TPRG1: variants seen among roughly 807,000 people sequenced by gnomAD.
TPRG1 encodes the protein tumor protein p63 regulated 1.
TPRG1 carries 29 observed loss-of-function variants against 29.3 expected under a neutral mutation model. The observed-to-expected ratio is 0.99, with a 90% confidence interval of 0.74 to 1.35. The LOEUF is 1.35. Ranked by LOEUF, TPRG1 falls within the 40% of genes most tolerant of loss-of-function variation. TPRG1 has a pLI of 0.00. For missense variants in TPRG1, 327 were observed against 335.0 expected (o/e 0.98, Z 0.19); for synonymous variants, 130 against 116.8 (o/e 1.11, Z -0.73).
chr3:189,285,744 G>A (rs548396406), intron 4 of TPRG1, among the ~76,000 whole-genome samples: 3 of 152,224 alleles, frequency 2.0e-5, no homozygotes, highest in South Asian at 4.2e-4. Context: ...TCACTTGCTC[G>A]AGGTCCTACA....
intron 4 of TPRG1, among the ~76,000 whole-genome samples, chr3:189,059,326 C>T (rs1715936281): frequency 6.6e-6 from 1 of 152,194 alleles, no homozygotes; most frequent in Non-Finnish European, 1.5e-5. Context: ...GGTGCAGTGG[C>T]TCATGCCTGT....
At chr3:189,312,115 T>TTCTTTCTTTCTCTCTCTCTCTCTCTCTC (rs1560688940) in intron 5 of TPRG1, among the ~76,000 whole-genome samples, 1 of 69,008 alleles carries the variant, frequency 1.4e-5, no homozygotes, top group African/African-American at 7.0e-5. Flanking sequence ...GTTTCTTTCT[T>TTCTTTCTTTCTCTCTCTCTCTCTCTCTC]TGTTTCTTTC....
At chr3:189,295,847 T>G (rs139935920) in intron 4 of TPRG1, among the ~76,000 whole-genome samples, 1 of 152,234 alleles carries the variant, frequency 6.6e-6, no homozygotes, top group East Asian at 1.9e-4. Context: ...AGTGAAACGT[T>G]TTGCCACATC....
At chr3:189,301,567 T>C (rs1720844414) in intron 4 of TPRG1, among the ~76,000 whole-genome samples, 1 of 149,698 alleles carries the variant, frequency 6.7e-6, no homozygotes, top group Non-Finnish European at 1.5e-5. Flanking sequence ...AATGTTTTCC[T>C]CCATTTTTTT....
intron 1 of TPRG1, among the ~76,000 whole-genome samples, chr3:189,200,921 A>C (rs1733376354): frequency 6.6e-6 from 1 of 152,204 alleles, no homozygotes; most frequent in Non-Finnish European, 1.5e-5. Context: ...TTAGGCTATA[A>C]GGGCTCTGTT....
chr3:189,137,083 T>C (rs557897923), intron 3 of TPRG1, among the ~76,000 whole-genome samples: 1 of 152,306 alleles, frequency 6.6e-6, no homozygotes, highest in African/African-American at 2.4e-5. Context: ...AGCAAGGTGG[T>C]AGAGCTAGGA....
At chr3:189,039,790 T>G (rs1413945878) in intron 4 of TPRG1, among the ~76,000 whole-genome samples, 2 of 152,092 alleles carry the variant, frequency 1.3e-5, no homozygotes, top group Non-Finnish European at 2.9e-5. Flanking sequence ...TTGTCTTAAT[T>G]CAGATGGCAC....
chr3:189,242,558 G>A (rs1014289939), intron 4 of TPRG1, among the ~76,000 whole-genome samples: 2 of 152,048 alleles, frequency 1.3e-5, no homozygotes, highest in Non-Finnish European at 2.9e-5. Context: ...GTGTTCATGA[G>A]GGGTATTAGT....
intron 4 of TPRG1, among the ~76,000 whole-genome samples, chr3:189,297,079 C>G (rs1720059027): frequency 6.6e-6 from 1 of 152,158 alleles, no homozygotes; most frequent in Non-Finnish European, 1.5e-5. Flanking sequence ...CTCTTGGGTT[C>G]AAGTGATTCT....
chr3:189,221,879 A>G (rs900891452), intron 3 of TPRG1, among the ~76,000 whole-genome samples: 4 of 152,174 alleles, frequency 2.6e-5, no homozygotes, highest in Non-Finnish European at 4.4e-5. Flanking sequence ...AAGGGCAACC[A>G]CTTATTAAGG....
chr3:189,310,298 A>T (rs1722276193), intron 4 of TPRG1, 88 bp from the exon 5 acceptor site: 1 of 1,177,878 alleles, frequency 8.5e-7, no homozygotes, highest in Non-Finnish European at 1.1e-6. Flanking sequence ...TTGGGAGTTA[A>T]TATGAAGGCT....
At chr3:189,000,537 G>A (rs1711972429) in intron 1 of TPRG1, among the ~76,000 whole-genome samples, 1 of 151,862 alleles carries the variant, frequency 6.6e-6, no homozygotes, top group African/African-American at 2.4e-5. Flanking sequence ...TTGTATATAA[G>A]TATGCAGATG....
In TPRG1 at chr3:189,323,471, A is replaced by G. The variant is rs1040554744; in HGVS notation, c.*2651A>G. 2.0e-5 allele frequency: 3 copies of G among 152,112 alleles called. No individual in the cohort carries two copies. Among genetic ancestry groups the G allele is most frequent in the African/African-American group, 7.2e-5 (3 of 41,428 alleles). The allele number at this position is 152,112 out of a possible 1,614,324, so 9.4% of individuals were successfully genotyped here. A position where few individuals can be genotyped will look rare whatever the true frequency, so the allele number is the denominator to read the frequency against. ...AGGTTAAATTCTTTTATTAAACAGA[A>G]AGTTTTGAGTATTTGCCTAGAGAGT... On this transcript the variant is annotated 3_prime_UTR_variant, in exon 6 of 6. Coordinates refer to ENST00000345063, the MANE Select transcript of TPRG1 (RefSeq NM_198485.4).
intron 3 of TPRG1, among the ~76,000 whole-genome samples, chr3:189,224,349 C>T (rs776854565): frequency 4.6e-5 from 7 of 152,064 alleles, no homozygotes; most frequent in African/African-American, 9.7e-5. Flanking sequence ...GGCGTGGTGA[C>T]GTGGCCTGTA....
intron 4 of TPRG1, among the ~76,000 whole-genome samples, chr3:189,080,748 G>A (rs1197405805): frequency 6.6e-6 from 1 of 152,122 alleles, no homozygotes; most frequent in Non-Finnish European, 1.5e-5. Flanking sequence ...TTGATGCAGT[G>A]TGGGGAGGCC....
intron 1 of TPRG1, among the ~76,000 whole-genome samples, chr3:189,176,446 C>T (rs1729500349): frequency 6.6e-6 from 1 of 151,742 alleles, no homozygotes; most frequent in Admixed American, 6.6e-5. Context: ...CTGGTAATAG[C>T]AGCAGTGAAA....
intron 1 of TPRG1, among the ~76,000 whole-genome samples, chr3:189,192,316 A>C (rs1173367931): frequency 1.3e-5 from 2 of 152,188 alleles, no homozygotes; most frequent in Non-Finnish European, 2.9e-5. Context: ...AGCTCCATGT[A>C]GTAAAGATAT....
chr3:189,261,195 G>A (rs6793465), intron 4 of TPRG1, among the ~76,000 whole-genome samples: 13,182 of 152,208 alleles, frequency 0.087, 707 homozygotes, highest in African/African-American at 0.16. Flanking sequence ...GGAAGACAGG[G>A]GAGGGAGGTG....
intron 3 of TPRG1, among the ~76,000 whole-genome samples, chr3:189,023,151 C>G (rs538239122): frequency 9.9e-5 from 15 of 152,208 alleles, no homozygotes; most frequent in Admixed American, 2.6e-4. Flanking sequence ...GAGATGAACC[C>G]GGTACCTCAG....
Sources: allele counts gnomAD v4.1 joint callset (sites outside exome capture counted in the v4.1 genomes callset), GRCh38; gene constraint gnomAD v4.1.1; transcripts MANE v1.5; gene names NCBI Gene and HGNC (gene_info 2026-07-23, HGNC 2026-07-21).